The following MCU variants were observed in gnomAD, a reference collection of about 807,000 sequenced individuals.
MCU encodes calcium uniporter protein, mitochondrial.
Under a neutral mutation model 45.2 loss-of-function variants are expected in MCU, and 12 were observed. The ratio of observed to expected loss-of-function variants is 0.27; its 90% CI spans 0.17 to 0.43. The LOEUF (loss-of-function observed/expected upper bound fraction) is 0.43. MCU is among the 20% of genes least tolerant of loss of function. The pLI is 1.00. For synonymous variants in MCU, 160 were observed against 165.1 expected, an observed-to-expected ratio of 0.97 and a Z score of 0.24; for missense variants, 324 against 436.7, an observed-to-expected ratio of 0.74 and a Z score of 2.30.
chr10:72,741,842 G>A (rs1843336201), intron 1 of MCU, among the ~76,000 whole-genome samples: 1 of 151,910 alleles, frequency 6.6e-6, no homozygotes, highest in Non-Finnish European at 1.5e-5. Flanking sequence ...TCCTGGCTAA[G>A]ACGGTGAAAC....
chr10:72,789,264 T>G (rs888496149), intron 1 of MCU, among the ~76,000 whole-genome samples: 1 of 152,132 alleles, frequency 6.6e-6, no homozygotes, highest in Non-Finnish European at 1.5e-5. Flanking sequence ...TAGTAAGATG[T>G]TTTAGGTATA....
rs547552890 is a variant in MCU, at chr10:72,762,713, A to C, written c.150+70412A>C. ...TGCTAGGTACTGGGAATGCAGTTTT[A>C]AGTAAGATAGATTTTCTGCCTTCGA... is the stretch of plus-strand genomic sequence containing the variant. On this transcript the variant is annotated intron_variant, in intron 1 of 7. Transcript: ENST00000373053. Among the ~76,000 whole-genome samples, 221 of 152,320 alleles carry C rather than the reference A, an allele frequency of 1.5e-3. 2 individuals are homozygous for C. The highest frequency in any genetic ancestry group is 4.9e-3 in the African/African-American group (202 of 41,578).
chr10:72,813,725 C>T (rs961144198), intron 1 of MCU, among the ~76,000 whole-genome samples: 3 of 152,084 alleles, frequency 2.0e-5, no homozygotes, highest in Admixed American at 6.5e-5. Context: ...TCCCAAATTG[C>T]TGGGATTACA....
chr10:72,886,074 G>T lies in MCU; in HGVS notation c.*252G>T, dbSNP rs1324766325. 1 of 408,388 alleles carries T rather than the reference G, an allele frequency of 2.4e-6. No homozygotes were observed. Among genetic ancestry groups the T allele is most frequent in the Non-Finnish European group, 4.4e-6 (1 of 226,502 alleles). 25.3% of individuals were successfully genotyped at this position (408,388 alleles called of 1,614,324 possible). On this transcript the variant is annotated 3_prime_UTR_variant, in exon 8 of 8. Coordinates refer to ENST00000373053, the MANE Select transcript of MCU (RefSeq NM_138357.3). ...ATCTCAGTTTCTGGATGAAAATGATGCAGTTATATAGTTGAGAGATTCATA... is the reference window on the plus strand; with the variant it reads ...ATCTCAGTTTCTGGATGAAAATGATTCAGTTATATAGTTGAGAGATTCATA...
intron 1 of MCU, among the ~76,000 whole-genome samples, chr10:72,788,405 C>T (rs1844108856): frequency 1.3e-5 from 2 of 152,096 alleles, no homozygotes; most frequent in Admixed American, 1.3e-4. Flanking sequence ...CAAGAGGATC[C>T]CTTGAGGCCA....
chr10:72,739,335 C>T (rs960071832), intron 1 of MCU, among the ~76,000 whole-genome samples: 3 of 152,122 alleles, frequency 2.0e-5, no homozygotes, highest in African/African-American at 7.2e-5. Context: ...ATTTTTAGCA[C>T]AACTGGAATC....
chr10:72,876,874 T>G (rs1845622287), intron 6 of MCU, among the ~76,000 whole-genome samples: 1 of 151,954 alleles, frequency 6.6e-6, no homozygotes, highest in South Asian at 2.1e-4. Flanking sequence ...TTTCTTTCTT[T>G]CCTAACAAAA....
At chr10:72,711,063 C>T (rs1441399619) in intron 1 of MCU, among the ~76,000 whole-genome samples, 1 of 151,742 alleles carries the variant, frequency 6.6e-6, no homozygotes, top group East Asian at 1.9e-4. Flanking sequence ...CCTGTAATCC[C>T]AGCTACTTGG....
chr10:72,781,042 T>G (rs1326652208), intron 1 of MCU, among the ~76,000 whole-genome samples: 1 of 152,152 alleles, frequency 6.6e-6, no homozygotes, highest in Non-Finnish European at 1.5e-5. Context: ...TTTTAAGAAT[T>G]GGAACACTCA....
chr10:72,835,574 T>C (rs1206754826), intron 2 of MCU, among the ~76,000 whole-genome samples: 2 of 152,182 alleles, frequency 1.3e-5, no homozygotes, highest in Non-Finnish European at 2.9e-5. Flanking sequence ...TGCAGTGTTA[T>C]CAGAATCACC....
rs180740181 is a variant in MCU, at chr10:72,752,488, G to A, written c.150+60187G>A. 9.4e-4 allele frequency among the ~76,000 whole-genome samples: 143 copies of A among 152,274 alleles called. 1 individual carries two copies. The Middle Eastern group carries it at 0.01, about 11-fold the overall frequency. ...CTAAGAACATATAGGCATTAATGAC[G>A]TTGAAAACATTCTTTTCTTAGTACT... On this transcript the variant is annotated intron_variant, in intron 1 of 7. Transcript: ENST00000373053.
chr10:72,814,449 T>C (rs1305572968), intron 1 of MCU, among the ~76,000 whole-genome samples: 1 of 152,152 alleles, frequency 6.6e-6, no homozygotes, highest in East Asian at 1.9e-4. Context: ...AATTTTTTGC[T>C]TTAAAGATTA....
rs973743288 is a variant in MCU at position 72,757,770 on chromosome 10, T to C, written c.150+65469T>C. Among the ~76,000 whole-genome samples, 4 of 152,356 alleles carry C rather than the reference T, an allele frequency of 2.6e-5. No homozygotes were observed. In the East Asian group the frequency reaches 5.8e-4, roughly 22 times the overall value. ...TGAAGCAATTGTCAGAGAAGAAATA[T>C]AATTTTTCCTTAACCCTCATAAGTT... On this transcript the variant is annotated intron_variant, in intron 1 of 7. Coordinates refer to ENST00000373053, the MANE Select transcript of MCU (RefSeq NM_138357.3).
intron 1 of MCU, among the ~76,000 whole-genome samples, chr10:72,720,343 G>A (rs558621338): frequency 2.4e-4 from 36 of 152,332 alleles, no homozygotes; most frequent in Non-Finnish European, 4.1e-4. Context: ...AAGCTAGTAA[G>A]TGATGGAATT....
intron 2 of MCU, among the ~76,000 whole-genome samples, chr10:72,849,275 CAAAA>C (rs60515928): frequency 1.2e-4 from 13 of 109,682 alleles, no homozygotes; most frequent in Admixed American, 2.0e-4. Flanking sequence ...AGCAAGACTC[CAAAA>C]AAAAAAAAAA....
chr10:72,770,639 T>C (rs941675333), intron 1 of MCU, among the ~76,000 whole-genome samples: 2 of 152,116 alleles, frequency 1.3e-5, no homozygotes, highest in African/African-American at 4.8e-5. Flanking sequence ...TTCACCTTCT[T>C]ATTTACCATT....
At chr10:72,821,203 G>A (rs1020810968) in intron 1 of MCU, among the ~76,000 whole-genome samples, 1 of 150,646 alleles carries the variant, frequency 6.6e-6, no homozygotes, top group Admixed American at 6.6e-5. Context: ...CATGACAAAA[G>A]TCAAATAGGT....
intron 1 of MCU, among the ~76,000 whole-genome samples, chr10:72,695,898 T>C (rs928752415): frequency 6.6e-6 from 1 of 151,642 alleles, no homozygotes; most frequent in Non-Finnish European, 1.5e-5. Context: ...GTGCGGTGGC[T>C]CACACCTGTA....
intron 2 of MCU, among the ~76,000 whole-genome samples, chr10:72,836,364 T>C (rs1170072936): frequency 6.6e-6 from 1 of 152,172 alleles, no homozygotes; most frequent in Non-Finnish European, 1.5e-5. Context: ...CTTGAACTAA[T>C]GAATTCATAT....
Sources: gnomAD v4.1 joint callset for allele counts (sites outside exome capture counted in the v4.1 genomes callset) on GRCh38, gnomAD v4.1.1 for gene constraint, MANE v1.5 for transcripts, NCBI Gene and HGNC (gene_info 2026-07-23, HGNC 2026-07-21) for gene names.